Variants in DPP8 observed in about 807,000 individuals in gnomAD.
DPP8 encodes the protein DPP VIII.
DPP8 carries 31 observed loss-of-function variants against 107.5 expected under a neutral mutation model. The ratio of observed to expected loss-of-function variants is 0.29; its 90% CI spans 0.22 to 0.39. DPP8 has a LOEUF of 0.39. DPP8 is among the 10% of genes least tolerant of loss of function. The probability of loss-of-function intolerance (pLI) is 1.00; values close to 1 mark genes in which losing one functional copy is unlikely to be tolerated. For missense variants in DPP8, 842 were observed against 1,076.1 expected (o/e 0.78, Z 3.04); for synonymous variants, 381 against 356.6 (o/e 1.07, Z -0.77).
intron 2 of DPP8, chr15:65,511,912 GAAGAA>G (rs1305597971): frequency 6.3e-6 from 2 of 316,078 alleles, no homozygotes; most frequent in Non-Finnish European, 1.3e-5. Context: ...ATGGATTCAG[GAAGAA>G]GAGACCAAAA....
intron 3 of DPP8, among the ~76,000 whole-genome samples, chr15:65,502,495 C>G (rs1300670146): frequency 6.6e-6 from 1 of 151,932 alleles, no homozygotes; most frequent in East Asian, 1.9e-4. Flanking sequence ...CTGGCCAACA[C>G]AGTGAAACCT....
At chr15:65,503,763 C>T (rs1174605774) in intron 3 of DPP8, among the ~76,000 whole-genome samples, 1 of 152,102 alleles carries the variant, frequency 6.6e-6, no homozygotes, top group Non-Finnish European at 1.5e-5. Flanking sequence ...GCTAGGATTA[C>T]AGGCACCTGC....
chr15:65,462,475 A>C (rs1436642779), intron 15 of DPP8, among the ~76,000 whole-genome samples: 2 of 152,226 alleles, frequency 1.3e-5, no homozygotes, highest in Admixed American at 6.5e-5. Flanking sequence ...TAAGGATTGC[A>C]TTATGAAAAG....
chr15:65,465,032 ACCTCT>A (rs1006045250), intron 14 of DPP8, among the ~76,000 whole-genome samples: 4 of 151,924 alleles, frequency 2.6e-5, no homozygotes, highest in African/African-American at 9.7e-5. Context: ...AGCTATACAG[ACCTCT>A]CCTAAGTGTT....
intron 3 of DPP8, among the ~76,000 whole-genome samples, chr15:65,502,441 G>C (rs2069355074): frequency 6.6e-6 from 1 of 152,088 alleles, no homozygotes; most frequent in East Asian, 1.9e-4. Context: ...ACTTTAGGAG[G>C]TCAAGGCAGG....
intron 19 of DPP8, among the ~76,000 whole-genome samples, chr15:65,448,719 T>G (rs1266486426): frequency 7.2e-6 from 1 of 138,548 alleles, no homozygotes; most frequent in Non-Finnish European, 1.6e-5. Context: ...TGTACATATA[T>G]ATATAAAATA....
intron 8 of DPP8, 43 bp downstream of exon 8, chr15:65,485,056 T>C: frequency 6.8e-7 from 1 of 1,462,654 alleles, no homozygotes; most frequent in Non-Finnish European, 9.6e-7. Flanking sequence ...CTGAATAGAT[T>C]AGTCAAATGA....
At chr15:65,470,115 A>C (rs1437679853) in intron 12 of DPP8, among the ~76,000 whole-genome samples, 1 of 147,490 alleles carries the variant, frequency 6.8e-6, no homozygotes, top group East Asian at 2.1e-4. Context: ...GAATCACTTG[A>C]ACCTAGGAGG....
chr15:65,490,989 C>T (rs945044370), intron 5 of DPP8, among the ~76,000 whole-genome samples: 1 of 151,874 alleles, frequency 6.6e-6, no homozygotes, highest in South Asian at 2.1e-4. Flanking sequence ...GAAACTCTGT[C>T]TCTACTAAAA....
At chr15:65,484,349 G>A (rs1003648940) in intron 8 of DPP8, among the ~76,000 whole-genome samples, 1 of 151,386 alleles carries the variant, frequency 6.6e-6, no homozygotes, top group Non-Finnish European at 1.5e-5. Context: ...AGGTTGCCTA[G>A]TGCTGGGGGA....
At chr15:65,466,836 T>C (rs200613612) in intron 13 of DPP8, 23 bp from the exon 14 acceptor site, 6 of 1,603,314 alleles carry the variant, frequency 3.7e-6, no homozygotes, top group Non-Finnish European at 3.4e-6. Context: ...GAAACAATTA[T>C]ATTTTTCGTC....
At chr15:65,517,358 G>C (rs1484245097) in intron 1 of DPP8, 128 bp downstream of exon 1, 2 of 152,482 alleles carry the variant, frequency 1.3e-5, no homozygotes, top group Non-Finnish European at 1.5e-5. Flanking sequence ...CGGCGCGCCG[G>C]GTAAACCGCA....
chr15:65,446,358 TAAGTC>T lies in DPP8; in HGVS notation c.*521_*525del, dbSNP rs2063498023. ...GAAAAATTATTAATGAATGACTGGT[TAAGTC>T]AAGTTTAATAGTTATTAGTTCATAA... On this transcript the variant is annotated 3_prime_UTR_variant, in exon 20 of 20. Coordinates refer to ENST00000300141, the MANE Select transcript of DPP8 (RefSeq NM_130434.5). 6.6e-6 allele frequency: 1 copy of T among 152,620 alleles called. No individual in the cohort carries two copies. Among genetic ancestry groups the T allele is most frequent in the African/African-American group, 2.4e-5 (1 of 41,464 alleles). 9.5% of individuals were successfully genotyped at this position (152,620 alleles called of 1,614,324 possible).
intron 2 of DPP8, among the ~76,000 whole-genome samples, chr15:65,510,515 G>A (rs185548867): frequency 2.0e-5 from 3 of 150,294 alleles, no homozygotes; most frequent in Non-Finnish European, 3.0e-5. Flanking sequence ...GACTGTGAAT[G>A]TACAGAAGAG....
At chr15:65,480,168 T>C in intron 10 of DPP8, 54 bp downstream of exon 10, 2 of 1,517,518 alleles carry the variant, frequency 1.3e-6, no homozygotes, top group South Asian at 1.2e-5. Context: ...TATAACTTCA[T>C]TTGCTTTAGC....
intron 5 of DPP8, among the ~76,000 whole-genome samples, chr15:65,496,655 T>C (rs2068630270): frequency 1.3e-5 from 2 of 152,038 alleles, no homozygotes; most frequent in African/African-American, 4.8e-5. Flanking sequence ...AACTGAAAGA[T>C]AATTTTTTTT....
chr15:65,499,858 G>A (rs577635241), intron 4 of DPP8, among the ~76,000 whole-genome samples: 5 of 152,256 alleles, frequency 3.3e-5, no homozygotes, highest in South Asian at 2.1e-4. Context: ...GAGCCACCAC[G>A]TCTGACCTAA....
intron 12 of DPP8, 131 bp from the exon 13 acceptor site, chr15:65,467,354 A>G (rs1482297130): frequency 1.8e-5 from 15 of 814,162 alleles, no homozygotes; most frequent in Non-Finnish European, 2.9e-5. Flanking sequence ...TGCTGCCACT[A>G]TTAATAAACC....
chr15:65,448,898 A>C lies in DPP8; in HGVS notation c.2527-1892T>G, dbSNP rs1351389144. 8.4e-5 allele frequency among the ~76,000 whole-genome samples: 7 copies of C among 83,138 alleles called. 1 individual carries two copies. Among genetic ancestry groups the C allele is most frequent in the African/African-American group, 3.5e-4 (7 of 20,242 alleles). 54.5% of individuals were successfully genotyped at this position (83,138 alleles called of 152,430 possible). A position where few individuals can be genotyped will look rare whatever the true frequency, so the allele number is the denominator to read the frequency against. On this transcript the variant is annotated intron_variant, in intron 19 of 19. Transcript: ENST00000300141. ...TATATATATATATATATATATATAT[A>C]TATATATATATATATATATATATAT... is the stretch of plus-strand genomic sequence containing the variant.
Sources: allele counts gnomAD v4.1 joint callset (sites outside exome capture counted in the v4.1 genomes callset), GRCh38; gene constraint gnomAD v4.1.1; transcripts MANE v1.5; gene names NCBI Gene and HGNC (gene_info 2026-07-23, HGNC 2026-07-21).